The following ABTB3 variants were observed in gnomAD, a reference collection of about 807,000 sequenced individuals.
The protein encoded by ABTB3 is ankyrin repeat- and BTB/POZ domain-containing protein 3.
chr12:107,655,561 GA>G, the ABTB3 span, among the ~76,000 whole-genome samples: 2 of 152,164 alleles, frequency 1.3e-5, no homozygotes, highest in Non-Finnish European at 2.9e-5. Flanking sequence ...GGTAAAGAAA[GA>G]AAACAACACT....
the ABTB3 span, among the ~76,000 whole-genome samples, chr12:107,357,735 C>T: frequency 6.6e-6 from 1 of 152,214 alleles, no homozygotes; most frequent in Non-Finnish European, 1.5e-5. Flanking sequence ...GTGCTCAGAG[C>T]GTGCGTGGCA....
chr12:107,373,282 C>T, the ABTB3 span, among the ~76,000 whole-genome samples: 1 of 151,472 alleles, frequency 6.6e-6, no homozygotes, highest in Admixed American at 6.6e-5. Context: ...GAGCAATTCC[C>T]ATCTACACTT....
At chr12:107,329,960 C>G in the ABTB3 span, among the ~76,000 whole-genome samples, 1 of 152,292 alleles carries the variant, frequency 6.6e-6, no homozygotes, top group African/African-American at 2.4e-5. Context: ...CTATTAGAGT[C>G]TTTACCACAG....
the ABTB3 span, among the ~76,000 whole-genome samples, chr12:107,430,203 C>T: frequency 3.3e-5 from 5 of 152,208 alleles, no homozygotes; most frequent in Non-Finnish European, 7.3e-5. Flanking sequence ...TTCCATCTCT[C>T]TCCTAGAAAA....
At chr12:107,619,536 C>G in the ABTB3 span, among the ~76,000 whole-genome samples, 2 of 152,176 alleles carry the variant, frequency 1.3e-5, no homozygotes. Flanking sequence ...TGTTCCAGAT[C>G]CTTGGGCACA....
chr12:107,412,445 T>C, the ABTB3 span, among the ~76,000 whole-genome samples: 1 of 152,206 alleles, frequency 6.6e-6, no homozygotes, highest in Non-Finnish European at 1.5e-5. Flanking sequence ...CATTTGTGCG[T>C]AACGTCCACC....
chr12:107,614,427 C>A, the ABTB3 span, among the ~76,000 whole-genome samples: 11 of 152,240 alleles, frequency 7.2e-5, no homozygotes, highest in African/African-American at 2.6e-4. Flanking sequence ...TGAAATTCCT[C>A]CATCAGATGA....
At chr12:107,417,364 G>C in the ABTB3 span, among the ~76,000 whole-genome samples, 1 of 152,046 alleles carries the variant, frequency 6.6e-6, no homozygotes, top group Non-Finnish European at 1.5e-5. Context: ...CTTGACTTAC[G>C]GCCTCATCAC....
chr12:107,587,969 G>A, the ABTB3 span, among the ~76,000 whole-genome samples: 2 of 152,092 alleles, frequency 1.3e-5, no homozygotes, highest in East Asian at 3.9e-4. Context: ...CCAAGGTGCT[G>A]CAGGGCCATA....
the ABTB3 span, among the ~76,000 whole-genome samples, chr12:107,465,836 T>C: frequency 6.6e-6 from 1 of 152,106 alleles, no homozygotes; most frequent in South Asian, 2.1e-4. Context: ...AGTCGCGTGC[T>C]CTCTCTCCTG....
At chr12:107,547,780 C>G in the ABTB3 span, among the ~76,000 whole-genome samples, 1 of 152,180 alleles carries the variant, frequency 6.6e-6, no homozygotes, top group African/African-American at 2.4e-5. Flanking sequence ...TTCCATTTGT[C>G]CTTCGTAAGG....
chr12:107,520,601 T>C, the ABTB3 span: 3 of 1,614,088 alleles, frequency 1.9e-6, no homozygotes, highest in African/African-American at 2.7e-5. Context: ...GAGCAGTCTT[T>C]GCTGGCCACG....
the ABTB3 span, chr12:107,615,020 G>A: frequency 1.3e-6 from 2 of 1,549,398 alleles, no homozygotes; most frequent in African/African-American, 1.4e-5. Context: ...CCTAAGTATT[G>A]TGAAGGTCAC....
At chr12:107,478,286 A>G in the ABTB3 span, among the ~76,000 whole-genome samples, 1 of 152,198 alleles carries the variant, frequency 6.6e-6, no homozygotes, top group Non-Finnish European at 1.5e-5. Flanking sequence ...TAAATTTTTA[A>G]GGACAAATGG....
At chr12:107,384,524 G>A in the ABTB3 span, among the ~76,000 whole-genome samples, 1 of 152,198 alleles carries the variant, frequency 6.6e-6, no homozygotes. Flanking sequence ...TCTAAGAGGT[G>A]CCCGAAGGAA....
chr12:107,417,009 T>C, the ABTB3 span, among the ~76,000 whole-genome samples: 1 of 152,274 alleles, frequency 6.6e-6, no homozygotes, highest in East Asian at 1.9e-4. Flanking sequence ...TAGTGATGAA[T>C]AAACAGGCAG....
the ABTB3 span, among the ~76,000 whole-genome samples, chr12:107,648,929 T>C: frequency 6.6e-6 from 1 of 151,382 alleles, no homozygotes; most frequent in Non-Finnish European, 1.5e-5. Context: ...GTTGTTTAGT[T>C]TGGTCTTGGG....
chr12:107,448,359 G>A, the ABTB3 span, among the ~76,000 whole-genome samples: 2 of 152,326 alleles, frequency 1.3e-5, no homozygotes, highest in Admixed American at 1.3e-4. Flanking sequence ...ATCCAGGGTT[G>A]GAAGCCTTTG....
the ABTB3 span, among the ~76,000 whole-genome samples, chr12:107,599,959 G>T: frequency 6.6e-6 from 1 of 152,142 alleles, no homozygotes; most frequent in Non-Finnish European, 1.5e-5. Flanking sequence ...TGAATTCTGC[G>T]GAATGGGCTG....
Sources: allele counts gnomAD v4.1 joint callset (sites outside exome capture counted in the v4.1 genomes callset), GRCh38; gene constraint gnomAD v4.1.1; transcripts MANE v1.5; gene names NCBI Gene and HGNC (gene_info 2026-07-23, HGNC 2026-07-21).